The following CLSTN2 variants were observed in gnomAD, a reference collection of about 807,000 sequenced individuals.
CLSTN2 encodes the protein calsyntenin 2.
Under a neutral mutation model 101.2 loss-of-function variants are expected in CLSTN2, and 48 were observed. The observed-to-expected ratio is 0.47, with a 90% CI of 0.38 to 0.60. The LOEUF (loss-of-function observed/expected upper bound fraction) is 0.60. Among genes scored for constraint, CLSTN2 ranks in the 20% least tolerant of loss-of-function variants. The pLI is 0.00. For missense variants in CLSTN2, 1,160 were observed against 1,238.2 expected (o/e 0.94, Z 0.95); for synonymous variants, 481 against 463.6 (o/e 1.04, Z -0.48).
At chr3:140,219,101 T>C (rs957491201) in intron 2 of CLSTN2, among the ~76,000 whole-genome samples, 1 of 151,984 alleles carries the variant, frequency 6.6e-6, no homozygotes, top group African/African-American at 2.4e-5. Context: ...CTGCAGTTCA[T>C]GTATCATGTA....
chr3:140,349,845 C>G (rs2087587029), intron 2 of CLSTN2, among the ~76,000 whole-genome samples: 2 of 152,176 alleles, frequency 1.3e-5, no homozygotes. Flanking sequence ...CACCCACCCA[C>G]CTGTTTCACC....
At chr3:140,465,630 C>T (rs1933678350) in intron 7 of CLSTN2, among the ~76,000 whole-genome samples, 1 of 152,162 alleles carries the variant, frequency 6.6e-6, no homozygotes, top group African/African-American at 2.4e-5. Context: ...ATGGTATATA[C>T]AGGATGTACA....
chr3:140,152,610 T>C (rs962773825), intron 1 of CLSTN2, among the ~76,000 whole-genome samples: 6 of 152,232 alleles, frequency 3.9e-5, no homozygotes, highest in African/African-American at 1.4e-4. Flanking sequence ...TGCTGTGGAC[T>C]ACACTGTATA....
intron 1 of CLSTN2, among the ~76,000 whole-genome samples, chr3:140,160,609 G>A (rs923266187): frequency 1.3e-5 from 2 of 151,604 alleles, no homozygotes; most frequent in Non-Finnish European, 2.9e-5. Flanking sequence ...TATCTACAGT[G>A]TCTATTCATC....
At chr3:140,093,088 G>C (rs367624957) in intron 1 of CLSTN2, among the ~76,000 whole-genome samples, 1 of 152,154 alleles carries the variant, frequency 6.6e-6, no homozygotes, top group Admixed American at 6.5e-5. Flanking sequence ...GAGCTGGACA[G>C]AGAGAGAGAA....
At chr3:140,055,440 T>C (rs1009576588) in intron 1 of CLSTN2, among the ~76,000 whole-genome samples, 3 of 152,162 alleles carry the variant, frequency 2.0e-5, no homozygotes, top group Admixed American at 6.5e-5. Flanking sequence ...GTGCTTAGAT[T>C]TCAAAACCAC....
At chr3:140,049,262 T>C (rs1576409590) in intron 1 of CLSTN2, among the ~76,000 whole-genome samples, 1 of 152,220 alleles carries the variant, frequency 6.6e-6, no homozygotes, top group East Asian at 1.9e-4. Flanking sequence ...CTGAAAGCTG[T>C]TGCCAAGGAA....
At chr3:140,157,781 G>A (rs544162836) in intron 1 of CLSTN2, among the ~76,000 whole-genome samples, 3 of 151,988 alleles carry the variant, frequency 2.0e-5, no homozygotes, top group African/African-American at 7.2e-5. Flanking sequence ...TTGCTTTGGG[G>A]TTAATCCAGT....
At chr3:140,227,653 C>T (rs1467884925) in intron 2 of CLSTN2, among the ~76,000 whole-genome samples, 1 of 152,224 alleles carries the variant, frequency 6.6e-6, no homozygotes, top group African/African-American at 2.4e-5. Flanking sequence ...CAAAGGTTCT[C>T]AACAAGGACC....
At chr3:140,543,547 GC>G (rs1935528083) in intron 9 of CLSTN2, among the ~76,000 whole-genome samples, 2 of 152,158 alleles carry the variant, frequency 1.3e-5, no homozygotes, top group South Asian at 4.1e-4. Context: ...TGGATGAGTG[GC>G]ACCCCAGGCT....
At chr3:140,389,177 G>A (rs955739711) in intron 2 of CLSTN2, among the ~76,000 whole-genome samples, 10 of 152,322 alleles carry the variant, frequency 6.6e-5, no homozygotes, top group African/African-American at 2.2e-4. Flanking sequence ...TGCAGGAAGT[G>A]CAAGTTTGTT....
At chr3:140,127,014 A>T (rs1452934568) in intron 1 of CLSTN2, among the ~76,000 whole-genome samples, 2 of 123,738 alleles carry the variant, frequency 1.6e-5, no homozygotes, top group African/African-American at 6.4e-5. Context: ...ATGTGTCATT[A>T]TATGTGTCAT....
chr3:140,537,886 C>A (rs1029011574), intron 9 of CLSTN2, among the ~76,000 whole-genome samples: 3 of 152,264 alleles, frequency 2.0e-5, no homozygotes, highest in South Asian at 2.1e-4. Context: ...GGGAGTGAGT[C>A]AGGTAGGCTG....
chr3:140,435,172 T>G (rs1382235459), intron 5 of CLSTN2, among the ~76,000 whole-genome samples: 2 of 152,202 alleles, frequency 1.3e-5, no homozygotes, highest in Admixed American at 1.3e-4. Flanking sequence ...TTCTTTGTAT[T>G]TTTTATATCC....
In CLSTN2 at chr3:140,437,718, A is replaced by G. The variant is rs372240383; in HGVS notation, c.788-10801A>G. Among the ~76,000 whole-genome samples, 35 of 152,376 alleles carry G rather than the reference A, an allele frequency of 2.3e-4. No individual in the cohort carries two copies. The East Asian group carries it at 2.7e-3, about 12-fold the overall frequency. ...CTTATGAGCTCTGCATTCTGTTAAG[A>G]GAACCTGAGGTAGTAAGTGGCAATT... On this transcript the variant is annotated intron_variant, in intron 5 of 16. Transcript: ENST00000458420.
At chr3:140,446,450 G>C (rs759255330) in intron 5 of CLSTN2, among the ~76,000 whole-genome samples, 27 of 152,152 alleles carry the variant, frequency 1.8e-4, no homozygotes, top group Non-Finnish European at 2.1e-4. Flanking sequence ...TGGTGACCAT[G>C]GGGGCTCAGA....
At chr3:140,443,079 TA>T (rs1333780210) in intron 5 of CLSTN2, among the ~76,000 whole-genome samples, 1 of 152,200 alleles carries the variant, frequency 6.6e-6, no homozygotes, top group Non-Finnish European at 1.5e-5. Context: ...TGTTCTGGGG[TA>T]CCCCATTCCC....
At chr3:139,998,732 A>G (rs942509649) in intron 1 of CLSTN2, among the ~76,000 whole-genome samples, 1 of 151,972 alleles carries the variant, frequency 6.6e-6, no homozygotes, top group African/African-American at 2.4e-5. Flanking sequence ...ATAAATCAAG[A>G]CCAGGGCAGG....
At chr3:140,315,836 C>A (rs112066180) in intron 2 of CLSTN2, among the ~76,000 whole-genome samples, 1 of 152,144 alleles carries the variant, frequency 6.6e-6, no homozygotes, top group Non-Finnish European at 1.5e-5. Context: ...CAGGAGCTAT[C>A]GGCTTAGCAT....
Sources: gnomAD v4.1 joint callset for allele counts (sites outside exome capture counted in the v4.1 genomes callset) on GRCh38, gnomAD v4.1.1 for gene constraint, MANE v1.5 for transcripts, NCBI Gene and HGNC (gene_info 2026-07-23, HGNC 2026-07-21) for gene names.